The following SLC20A2 variants were observed in gnomAD, a reference collection of about 807,000 sequenced individuals.
The protein encoded by SLC20A2 is sodium-dependent phosphate transporter 2.
Under a neutral mutation model 61.0 loss-of-function variants are expected in SLC20A2, and 30 were observed. That is an observed-to-expected ratio of 0.49 (90% CI 0.37 to 0.67). The LOEUF (loss-of-function observed/expected upper bound fraction) is 0.67. Among genes scored for constraint, SLC20A2 ranks in the 30% least tolerant of loss-of-function variants. The pLI is 0.00. For missense variants in SLC20A2, 626 were observed against 866.4 expected (o/e 0.72, Z 3.48); for synonymous variants, 351 against 353.3 (o/e 0.99, Z 0.07).
intron 4 of SLC20A2, among the ~76,000 whole-genome samples, chr8:42,460,650 T>C (rs1806625185): frequency 6.6e-6 from 1 of 152,270 alleles, no homozygotes; most frequent in African/African-American, 2.4e-5. Flanking sequence ...TTAACTACTT[T>C]AGGCTTCTGC....
At chr8:42,464,535 A>G (rs914811578) in intron 3 of SLC20A2, among the ~76,000 whole-genome samples, 2 of 151,994 alleles carry the variant, frequency 1.3e-5, no homozygotes, top group Admixed American at 1.3e-4. Context: ...TCTTTCTCTG[A>G]CCTATAGACT....
At chr8:42,469,297 A>G (rs889554888) in intron 2 of SLC20A2, among the ~76,000 whole-genome samples, 2 of 152,200 alleles carry the variant, frequency 1.3e-5, no homozygotes, top group African/African-American at 4.8e-5. Flanking sequence ...ATTCCCAACA[A>G]AATAGGCTTT....
intron 1 of SLC20A2, among the ~76,000 whole-genome samples, chr8:42,494,456 G>A (rs1307342909): frequency 6.6e-6 from 1 of 152,068 alleles, no homozygotes; most frequent in Non-Finnish European, 1.5e-5. Context: ...AAAAGAAGGG[G>A]TGAAAATCAC....
chr8:42,518,352 T>C (rs1036996843), intron 1 of SLC20A2, among the ~76,000 whole-genome samples: 1 of 151,870 alleles, frequency 6.6e-6, no homozygotes, highest in Admixed American at 6.5e-5. Flanking sequence ...ATTCATATTT[T>C]ATTCATAATG....
At chr8:42,442,652 A>G (rs1804871363) in intron 6 of SLC20A2, among the ~76,000 whole-genome samples, 1 of 152,198 alleles carries the variant, frequency 6.6e-6, no homozygotes, top group South Asian at 2.1e-4. Flanking sequence ...TTTCTTTTCC[A>G]AAATTGTTCC....
In SLC20A2 at chr8:42,416,934, G is replaced by A. The variant is rs1246854581; in HGVS notation, c.*869C>T. 6.5e-6 allele frequency: 1 copy of A among 152,796 alleles called. No homozygotes were observed. Among genetic ancestry groups the A allele is most frequent in the East Asian group, 1.9e-4 (1 of 5,198 alleles). The allele number at this position is 152,796 out of a possible 1,614,324, so 9.5% of individuals were successfully genotyped here. ...GATGACAAGGAAAGGCCACTGCAAGGTGGGTGGGATCTGGGGTGTGGTGGC... is the reference window on the plus strand; with the variant it reads ...GATGACAAGGAAAGGCCACTGCAAGATGGGTGGGATCTGGGGTGTGGTGGC... On this transcript the variant is annotated 3_prime_UTR_variant, in exon 11 of 11. Transcript: ENST00000520262.
intron 5 of SLC20A2, among the ~76,000 whole-genome samples, chr8:42,448,441 C>T (rs189437757): frequency 1.9e-4 from 29 of 152,344 alleles, no homozygotes; most frequent in Non-Finnish European, 1.9e-4. Context: ...TCTAGGACCA[C>T]GCCAGGCTCC....
intron 5 of SLC20A2, among the ~76,000 whole-genome samples, chr8:42,457,102 T>C (rs1038095865): frequency 1.8e-4 from 28 of 151,920 alleles, no homozygotes; most frequent in African/African-American, 6.8e-4. Flanking sequence ...TTTTGTATTT[T>C]TAGTAGAGAT....
chr8:42,441,454 T>C (rs1426002540), intron 6 of SLC20A2, among the ~76,000 whole-genome samples: 3 of 150,966 alleles, frequency 2.0e-5, no homozygotes, highest in Non-Finnish European at 3.0e-5. Context: ...GCCTGGGCTA[T>C]TTTGTTCTTT....
intron 10 of SLC20A2, among the ~76,000 whole-genome samples, chr8:42,423,248 A>G (rs562914580): frequency 7.2e-5 from 11 of 152,154 alleles, no homozygotes; most frequent in African/African-American, 2.6e-4. Flanking sequence ...CTCCATTGGG[A>G]TACATTCTTA....
chr8:42,473,130 A>G (rs926180039), intron 1 of SLC20A2, among the ~76,000 whole-genome samples: 2 of 152,204 alleles, frequency 1.3e-5, no homozygotes, highest in African/African-American at 2.4e-5. Context: ...CGCATAAGCA[A>G]TGAGCACAGT....
At chr8:42,461,703 TG>T (rs1419119192) in intron 4 of SLC20A2, among the ~76,000 whole-genome samples, 1 of 152,120 alleles carries the variant, frequency 6.6e-6, no homozygotes, top group East Asian at 1.9e-4. Context: ...CCACCGCGCC[TG>T]GCCTAAAATA....
At chr8:42,424,332 G>T (rs73631760) in intron 10 of SLC20A2, among the ~76,000 whole-genome samples, 1 of 151,610 alleles carries the variant, frequency 6.6e-6, no homozygotes, top group Admixed American at 6.6e-5. Flanking sequence ...GGGGGTGCGG[G>T]GGGGGATAGT....
chr8:42,463,797 G>C (rs764255496), intron 3 of SLC20A2, among the ~76,000 whole-genome samples: 1 of 152,132 alleles, frequency 6.6e-6, no homozygotes, highest in African/African-American at 2.4e-5. Flanking sequence ...TTGTGCCCCT[G>C]CCTGGCAGCT....
At chr8:42,532,974 C>T (rs1312254638) in intron 1 of SLC20A2, among the ~76,000 whole-genome samples, 4 of 151,940 alleles carry the variant, frequency 2.6e-5, no homozygotes, top group Non-Finnish European at 5.9e-5. Context: ...ATACAAGAAA[C>T]TAAATAAGAA....
intron 1 of SLC20A2, among the ~76,000 whole-genome samples, chr8:42,476,767 G>C (rs1808142002): frequency 6.6e-6 from 1 of 152,084 alleles, no homozygotes; most frequent in African/African-American, 2.4e-5. Context: ...ACCTGCCTGA[G>C]GAAAAAGGCT....
intron 5 of SLC20A2, among the ~76,000 whole-genome samples, chr8:42,452,304 G>GAA (rs1805790487): frequency 6.8e-6 from 1 of 147,114 alleles, no homozygotes; most frequent in African/African-American, 2.6e-5. Flanking sequence ...TGGAGGAGGT[G>GAA]GAGGAAGAGA....
chr8:42,421,183 T>C lies in SLC20A2; in HGVS notation c.1795-3216A>G, dbSNP rs1405115405. On this transcript the variant is annotated intron_variant, in intron 10 of 10. Coordinates refer to ENST00000520262, the MANE Select transcript of SLC20A2 (RefSeq NM_001257180.2). ...CTTCCATATATATCACTCACATTTC[T>C]TTTTTAAAAAATTATTTATTTAGTT... Among the ~76,000 whole-genome samples, 3 of 152,276 alleles carry C rather than the reference T, an allele frequency of 2.0e-5. No homozygotes were observed. The East Asian group carries it at 5.8e-4, about 29-fold the overall frequency.
intron 5 of SLC20A2, among the ~76,000 whole-genome samples, chr8:42,455,837 C>A (rs376041934): frequency 1.2e-4 from 18 of 152,190 alleles, no homozygotes; most frequent in African/African-American, 3.9e-4. Context: ...AGTTACAGGA[C>A]CTTGGGTATT....
Sources: allele counts gnomAD v4.1 joint callset (sites outside exome capture counted in the v4.1 genomes callset), GRCh38; gene constraint gnomAD v4.1.1; transcripts MANE v1.5; gene names NCBI Gene and HGNC (gene_info 2026-07-23, HGNC 2026-07-21).